Variants in C6orf118 observed in about 807,000 individuals in gnomAD.
The protein encoded by C6orf118 is uncharacterized protein C6orf118.
In C6orf118, 50 loss-of-function variants were observed where a neutral mutation model predicts 50.2. The observed-to-expected ratio is 1.00, with a 90% CI of 0.79 to 1.26. The LOEUF (loss-of-function observed/expected upper bound fraction) is 1.26, where lower values mean the gene tolerates loss of function less well. Ranked by LOEUF, C6orf118 falls within the 50% of genes most tolerant of loss-of-function variation. C6orf118 has a pLI of 0.00. For missense variants in C6orf118, 641 were observed against 578.7 expected (o/e 1.11, Z -1.10); for synonymous variants, 239 against 230.9 (o/e 1.03, Z -0.32).
At chr6:165,287,815 C>G (rs1779965224) in intron 7 of C6orf118, among the ~76,000 whole-genome samples, 1 of 151,864 alleles carries the variant, frequency 6.6e-6, no homozygotes. Context: ...ATGTAAAACC[C>G]AAAACTGTAA....
intron 1 of C6orf118, 64 bp from the exon 2 acceptor site, chr6:165,302,360 G>A: frequency 3.2e-6 from 5 of 1,557,624 alleles, no homozygotes; most frequent in Non-Finnish European, 4.3e-6. Flanking sequence ...GTCAGCTGGT[G>A]CACTGGCTGA....
intron 7 of C6orf118, among the ~76,000 whole-genome samples, chr6:165,283,572 T>G (rs1044339984): frequency 6.6e-6 from 1 of 152,116 alleles, no homozygotes; most frequent in Admixed American, 6.5e-5. Flanking sequence ...GTTTCTGTTG[T>G]AAACAGGTTG....
At chr6:165,297,757 C>A (rs1229031123) in intron 5 of C6orf118, among the ~76,000 whole-genome samples, 3 of 152,180 alleles carry the variant, frequency 2.0e-5, no homozygotes, top group African/African-American at 7.2e-5. Flanking sequence ...CCTTGAGAAA[C>A]CTGCCCAAAC....
rs967898458 is a variant in C6orf118 at position 165,281,655 on chromosome 6, T to TA, written c.1340dup (p.Leu447PhefsTer17). Reference sequence around the variant, plus strand: ...AAAAACTTACTTTTATTTTCTTCTTTAAAATCATATTTTCTGTTTCCAATT... The same window carrying TA: ...AAAAACTTACTTTTATTTTCTTCTTTAAAAATCATATTTTCTGTTTCCAATT... On this transcript the variant is annotated frameshift_variant, in exon 8 of 9. Coordinates refer to ENST00000230301, the MANE Select transcript of C6orf118 (RefSeq NM_144980.4). LOFTEE classifies it low-confidence loss of function (END_TRUNC). 6.7e-7 allele frequency: 1 copy of TA among 1,497,214 alleles called. No homozygotes were observed. The highest frequency in any genetic ancestry group is 8.9e-7 in the Non-Finnish European group (1 of 1,118,238). The allele number at this position is 1,497,214 out of a possible 1,614,324, so 92.7% of individuals were successfully genotyped here. A position where few individuals can be genotyped will look rare whatever the true frequency, so the allele number is the denominator to read the frequency against.
intron 7 of C6orf118, among the ~76,000 whole-genome samples, chr6:165,284,057 G>C (rs1779825793): frequency 6.6e-6 from 1 of 152,144 alleles, no homozygotes; most frequent in Non-Finnish European, 1.5e-5. Context: ...TTCTAATCCA[G>C]TGCAGAGAAA....
intron 2 of C6orf118, among the ~76,000 whole-genome samples, 186 bp downstream of exon 2, chr6:165,301,383 T>C (rs182293272): frequency 1.4e-3 from 190 of 140,012 alleles, no homozygotes; most frequent in African/African-American, 4.7e-3. Context: ...CCGAGAACAC[T>C]GCACCGAGAG....
At chr6:165,296,035 C>A (rs1330130571) in intron 5 of C6orf118, among the ~76,000 whole-genome samples, 1 of 150,126 alleles carries the variant, frequency 6.7e-6, no homozygotes, top group South Asian at 2.1e-4. Context: ...GGCTTTGGAA[C>A]AATTTTAGGC....
chr6:165,296,565 G>A (rs1037654252), intron 5 of C6orf118, among the ~76,000 whole-genome samples: 9 of 152,008 alleles, frequency 5.9e-5, no homozygotes, highest in African/African-American at 1.7e-4. Context: ...CACAGAACTC[G>A]TGCCTTCTTG....
Position 165,296,250 on chromosome 6 carries a change from GTTTTTT to G in C6orf118, c.1061+1721_1061+1726del, listed in dbSNP as rs56394079. On this transcript the variant is annotated intron_variant, in intron 5 of 8. Transcript: ENST00000230301. ...GTTGTTGTTGTTGTTTTCGTTTTTT[GTTTTTT>G]TTTTTTTTTTTTTTTTTTTTTGCCT... Among the ~76,000 whole-genome samples, 219 of 103,380 alleles carry G rather than the reference GTTTTTT, an allele frequency of 2.1e-3. 4 individuals carry two copies. Among genetic ancestry groups the G allele is most frequent in the Middle Eastern group, 0.018 (3 of 164 alleles). 67.8% of individuals were successfully genotyped at this position (103,380 alleles called of 152,430 possible). A position where few individuals can be genotyped will look rare whatever the true frequency, so the allele number is the denominator to read the frequency against.
chr6:165,297,976 C>A lies in C6orf118; in HGVS notation c.1061+1G>T. 6.2e-7 allele frequency: 1 copy of A among 1,613,860 alleles called. No individual in the cohort carries two copies. Among genetic ancestry groups the A allele is most frequent in the Non-Finnish European group, 8.5e-7 (1 of 1,180,042 alleles). On this transcript the variant is annotated splice_donor_variant, in intron 5 of 8. Coordinates refer to ENST00000230301, the MANE Select transcript of C6orf118 (RefSeq NM_144980.4). LOFTEE classifies it high-confidence loss of function. ...GATCAGATCCGTCCCTCATGCCTCA[C>A]CTATCATTCTGCTCCAGGGCTGCTT...
At chr6:165,291,911 T>A (rs1433383055) in intron 6 of C6orf118, among the ~76,000 whole-genome samples, 5 of 152,134 alleles carry the variant, frequency 3.3e-5, no homozygotes, top group Non-Finnish European at 7.4e-5. Context: ...CCCTTCCTGG[T>A]AGATAGTAAA....
intron 2 of C6orf118, 111 bp downstream of exon 2, chr6:165,301,458 C>T (rs757286394): frequency 1.9e-4 from 266 of 1,423,654 alleles, no homozygotes; most frequent in Non-Finnish European, 2.2e-4. Flanking sequence ...AGCTATGCCC[C>T]GGAGCTCTGC....
intron 5 of C6orf118, among the ~76,000 whole-genome samples, chr6:165,297,343 G>T (rs1244142221): frequency 1.3e-5 from 2 of 150,168 alleles, no homozygotes; most frequent in Non-Finnish European, 3.0e-5. Flanking sequence ...GATGGAAGTT[G>T]CAATGAACTG....
In C6orf118 at chr6:165,301,935, G is replaced by A. The variant is rs751191315; in HGVS notation, c.387C>T (p.Phe129=). The A allele has an allele frequency of 8.7e-6, 14 of 1,613,778 alleles. No individual in the cohort carries two copies. Among genetic ancestry groups the A allele is most frequent in the Middle Eastern group, 3.3e-4 (2 of 6,084 alleles). ...GAGAGGCCTGGGGGTTCAGGTACCT[G>A]AACAGCGGGGTGTCCTGGGCCTCAC... The part of the protein sequence containing the change: ...VPSEAQDTPL[F]RYLNPQASLS... The change falls in exon 2 of 9, where the codon TTC becomes TTT. Residue 129 remains phenylalanine, a synonymous_variant. Transcript: ENST00000230301.
rs1275032303 is a variant in C6orf118, at chr6:165,300,503, G to A, written c.754-17C>T. On this transcript the variant is annotated splice_polypyrimidine_tract_variant and intron_variant, in intron 2 of 8. Coordinates refer to ENST00000230301, the MANE Select transcript of C6orf118 (RefSeq NM_144980.4). ...CTGGAGCTCCTGGAGGAAAAACAGA[G>A]TCAGCCCATTTCAGGGTGGCTTCAT... 6.2e-7 allele frequency: 1 copy of A among 1,604,182 alleles called. No individual in the cohort carries two copies.
At chr6:165,286,186 G>A (rs1779897408) in intron 7 of C6orf118, among the ~76,000 whole-genome samples, 1 of 152,084 alleles carries the variant, frequency 6.6e-6, no homozygotes, top group Admixed American at 6.5e-5. Flanking sequence ...AGAATAAATG[G>A]ATAAATTTCT....
chr6:165,302,110 T>C lies in C6orf118; in HGVS notation c.212A>G (p.Gln71Arg), dbSNP rs2128163905. The C allele has an allele frequency of 6.2e-7, 1 of 1,613,940 alleles. No homozygotes were observed. Among genetic ancestry groups the C allele is most frequent in the Non-Finnish European group, 8.5e-7 (1 of 1,179,998 alleles). ...GTGCTGTAAGATCGTCTCCGGAGGC[T>C]GGTAGAGCTTGTTGGGGTTCAGGTG... The part of the protein sequence containing the change: ...SGHLNPNKLY[Q>R]PPETILQHWP... The change falls in exon 2 of 9, where the codon CAG becomes CGG. Residue 71 changes from glutamine (Q) to arginine (R), a missense_variant. Gln to Arg is a conservative substitution (Grantham distance 43). Coordinates refer to ENST00000230301, the MANE Select transcript of C6orf118 (RefSeq NM_144980.4).
chr6:165,302,341 C>T (rs766651153), intron 1 of C6orf118, 45 bp from the exon 2 acceptor site: 25 of 1,580,614 alleles, frequency 1.6e-5, no homozygotes, highest in Non-Finnish European at 2.1e-5. Context: ...GCTCTTAGTT[C>T]CACAGTAAGT....
chr6:165,292,248 GAAAATGGGGACATTCCACAGC>G (rs1353178768), intron 6 of C6orf118, among the ~76,000 whole-genome samples: 1 of 152,156 alleles, frequency 6.6e-6, no homozygotes, highest in Non-Finnish European at 1.5e-5. Flanking sequence ...ACTGAGGTAT[GAAAATGGGGACATTCCACAGC>G]AAATGTGTAT....
Sources: allele counts gnomAD v4.1 joint callset (sites outside exome capture counted in the v4.1 genomes callset), GRCh38; gene constraint gnomAD v4.1.1; transcripts MANE v1.5; gene names NCBI Gene and HGNC (gene_info 2026-07-23, HGNC 2026-07-21).